Variants in DLG2 observed in about 807,000 individuals in gnomAD.
DLG2 encodes disks large homolog 2.
In DLG2, 45 loss-of-function variants were observed where a neutral mutation model predicts 132.5. The observed-to-expected ratio is 0.34, with a 90% CI of 0.27 to 0.44. The LOEUF (loss-of-function observed/expected upper bound fraction) is 0.44, where lower values mean the gene tolerates loss of function less well. Ranked by LOEUF, DLG2 falls within the 20% of genes least tolerant of loss-of-function variation. The pLI is 1.00. For synonymous variants in DLG2, 424 were observed against 419.6 expected, an observed-to-expected ratio of 1.01 and a Z score of -0.13; for missense variants, 1,045 against 1,196.9, an observed-to-expected ratio of 0.87 and a Z score of 1.87.
At chr11:85,424,675 T>C (rs1029616512) in intron 3 of DLG2, among the ~76,000 whole-genome samples, 19 of 152,216 alleles carry the variant, frequency 1.2e-4, no homozygotes, top group African/African-American at 4.6e-4. Flanking sequence ...ATTATTAACT[T>C]CAGAGAGGTT....
intron 9 of DLG2, among the ~76,000 whole-genome samples, chr11:84,126,026 A>C (rs2154210589): frequency 1.3e-5 from 2 of 152,298 alleles, no homozygotes. Context: ...GTTTTTAAAA[A>C]TTGCATTTTT....
intron 20 of DLG2, among the ~76,000 whole-genome samples, chr11:83,538,490 C>A (rs1236177171): frequency 1.3e-5 from 2 of 152,176 alleles, no homozygotes; most frequent in Non-Finnish European, 2.9e-5. Flanking sequence ...CTATTTCCTT[C>A]CTTGGCATAT....
intron 9 of DLG2, among the ~76,000 whole-genome samples, chr11:84,128,250 C>T (rs2105806): frequency 0.65 from 99,205 of 151,976 alleles, 34,555 homozygotes; most frequent in Middle Eastern, 0.81. Context: ...GTAACCAATA[C>T]ACTTAGAAAT....
chr11:84,067,301 T>A (rs978519111), intron 10 of DLG2, among the ~76,000 whole-genome samples: 1 of 152,060 alleles, frequency 6.6e-6, no homozygotes, highest in Admixed American at 6.5e-5. Flanking sequence ...GCCACTGCAC[T>A]CCATCCTGGG....
At chr11:83,790,020 G>A in intron 17 of DLG2, 1 of 1,367,248 alleles carries the variant, frequency 7.3e-7, no homozygotes, top group Non-Finnish European at 9.5e-7. Flanking sequence ...GGCAAAGGCA[G>A]TTTCTGAATT....
At chr11:83,660,428 T>G (rs1302540162) in intron 18 of DLG2, among the ~76,000 whole-genome samples, 1 of 152,202 alleles carries the variant, frequency 6.6e-6, no homozygotes, top group Non-Finnish European at 1.5e-5. Context: ...AAAATCCACA[T>G]TGGTGGCTAC....
At chr11:84,799,380 C>T (rs2075084520) in intron 6 of DLG2, among the ~76,000 whole-genome samples, 1 of 152,176 alleles carries the variant, frequency 6.6e-6, no homozygotes, top group African/African-American at 2.4e-5. Flanking sequence ...CTCTTGGCAC[C>T]ATGCAGCTGC....
At chr11:84,403,657 A>G (rs938803111) in intron 7 of DLG2, among the ~76,000 whole-genome samples, 1 of 152,206 alleles carries the variant, frequency 6.6e-6, no homozygotes, top group Non-Finnish European at 1.5e-5. Context: ...CTTACCCAAT[A>G]AAATTCACAT....
intron 18 of DLG2, among the ~76,000 whole-genome samples, chr11:83,716,720 T>C (rs1392820583): frequency 6.6e-6 from 1 of 152,228 alleles, no homozygotes; most frequent in Non-Finnish European, 1.5e-5. Context: ...GATTTTTTTT[T>C]CTCGATTCTA....
rs149046474 is a variant in DLG2, at chr11:84,801,757, G to C, written c.358-267026C>G. 1.3e-3 allele frequency among the ~76,000 whole-genome samples: 202 copies of C among 152,170 alleles called. 1 individual carries two copies. The East Asian group carries it at 0.028, about 21-fold the overall frequency. Reference sequence around the variant, plus strand: ...CATAAAATACTTAAAGTCTTAAATGGCCAAAGCCTTTAAACTACATTATAA... The same window carrying C: ...CATAAAATACTTAAAGTCTTAAATGCCCAAAGCCTTTAAACTACATTATAA... On this transcript the variant is annotated intron_variant, in intron 6 of 27. Transcript: ENST00000376104.
At chr11:84,562,807 T>C (rs1174401602) in intron 6 of DLG2, among the ~76,000 whole-genome samples, 1 of 151,678 alleles carries the variant, frequency 6.6e-6, no homozygotes, top group East Asian at 1.9e-4. Context: ...TGGAGTGCAG[T>C]GGTACGAACA....
chr11:85,229,507 T>C (rs2075173849), intron 4 of DLG2, among the ~76,000 whole-genome samples: 1 of 152,124 alleles, frequency 6.6e-6, no homozygotes, highest in Non-Finnish European at 1.5e-5. Flanking sequence ...CTGGAGAGGA[T>C]GTGGAGAAAC....
At chr11:85,609,459 T>C (rs549009371) in intron 2 of DLG2, among the ~76,000 whole-genome samples, 2 of 152,232 alleles carry the variant, frequency 1.3e-5, no homozygotes, top group African/African-American at 4.8e-5. Context: ...AAACAAACTT[T>C]GGTGGTTCAA....
intron 20 of DLG2, among the ~76,000 whole-genome samples, chr11:83,533,764 C>T (rs2095816565): frequency 6.6e-6 from 1 of 152,160 alleles, no homozygotes; most frequent in South Asian, 2.1e-4. Flanking sequence ...AGGTGACAGA[C>T]TCCTTATAAT....
intron 18 of DLG2, among the ~76,000 whole-genome samples, chr11:83,670,517 AAT>A (rs1250146917): frequency 6.6e-6 from 1 of 152,142 alleles, no homozygotes; most frequent in Non-Finnish European, 1.5e-5. Context: ...GAAGAAAATG[AAT>A]ACCTTTGGGC....
At chr11:85,226,392 G>A (rs891675385) in intron 4 of DLG2, among the ~76,000 whole-genome samples, 12 of 151,796 alleles carry the variant, frequency 7.9e-5, no homozygotes, top group South Asian at 2.1e-4. Context: ...GAAAAATTTC[G>A]TTATTCACCT....
At chr11:85,515,945 A>T (rs2094160846) in intron 3 of DLG2, among the ~76,000 whole-genome samples, 1 of 152,084 alleles carries the variant, frequency 6.6e-6, no homozygotes, top group Non-Finnish European at 1.5e-5. Context: ...TTACAAAGTA[A>T]GGTTATGTAA....
At chr11:84,768,384 T>C (rs1406517106) in intron 6 of DLG2, among the ~76,000 whole-genome samples, 1 of 152,182 alleles carries the variant, frequency 6.6e-6, no homozygotes, top group Non-Finnish European at 1.5e-5. Flanking sequence ...AGAATTAGTA[T>C]TGTTTTTTCA....
At chr11:84,114,193 A>G (rs2093511830) in intron 9 of DLG2, among the ~76,000 whole-genome samples, 1 of 152,076 alleles carries the variant, frequency 6.6e-6, no homozygotes, top group Non-Finnish European at 1.5e-5. Context: ...AATACGGTAA[A>G]TACTGTAGAC....
Sources: allele counts gnomAD v4.1 joint callset (sites outside exome capture counted in the v4.1 genomes callset), GRCh38; gene constraint gnomAD v4.1.1; transcripts MANE v1.5; gene names NCBI Gene and HGNC (gene_info 2026-07-23, HGNC 2026-07-21).